The following TRIM33 variants were observed in gnomAD, a reference collection of about 807,000 sequenced individuals.
TRIM33 encodes E3 ubiquitin-protein ligase TRIM33.
In TRIM33, 20 loss-of-function variants were observed where a neutral mutation model predicts 125.4. The observed-to-expected ratio is 0.16, with a 90% CI of 0.11 to 0.23. The LOEUF is 0.23. TRIM33 is among the 10% of genes least tolerant of loss of function. The pLI is 1.00. For missense variants in TRIM33, 920 were observed against 1,411.4 expected (o/e 0.65, Z 5.58); for synonymous variants, 564 against 513.9 (o/e 1.10, Z -1.32).
intron 13 of TRIM33, 109 bp downstream of exon 13, chr1:114,408,568 A>G (rs1652391011): frequency 3.0e-6 from 2 of 676,366 alleles, no homozygotes. Context: ...GATCACTGTT[A>G]AAGCTGAGTG....
At chr1:114,500,021 GC>G (rs1652615513) in intron 1 of TRIM33, among the ~76,000 whole-genome samples, 2 of 152,086 alleles carry the variant, frequency 1.3e-5, no homozygotes, top group South Asian at 2.1e-4. Context: ...TCAAAAATGA[GC>G]CAGACATGGT....
At chr1:114,461,621 G>C (rs536156536) in intron 4 of TRIM33, among the ~76,000 whole-genome samples, 17 of 152,068 alleles carry the variant, frequency 1.1e-4, no homozygotes, top group Non-Finnish European at 2.4e-4. Context: ...AAGGAAAATG[G>C]TAAAAGAAAG....
Position 114,433,825 on chromosome 1 carries a change from C to G in TRIM33, c.924-92G>C, listed in dbSNP as rs1184375490. 6.5e-6 allele frequency: 5 copies of G among 773,136 alleles called. No individual in the cohort carries two copies. In the African/African-American group the frequency reaches 8.7e-5, roughly 13 times the overall value. 47.9% of individuals were successfully genotyped at this position (773,136 alleles called of 1,614,324 possible). A position where few individuals can be genotyped will look rare whatever the true frequency, so the allele number is the denominator to read the frequency against. The stretch of plus-strand genomic sequence containing the variant: ...CAGCTAAATGAGTCAATCTTGAAAC[C>G]TTAATTAAGTGATCAACTCTATGCT... On this transcript the variant is annotated intron_variant, in intron 4 of 19. Coordinates refer to ENST00000358465, the MANE Select transcript of TRIM33 (RefSeq NM_015906.4).
chr1:114,427,951 C>T (rs1252448298), intron 6 of TRIM33, 57 bp from the exon 7 acceptor site: 3 of 1,587,224 alleles, frequency 1.9e-6, no homozygotes, highest in Non-Finnish European at 2.6e-6. Context: ...ATCAACCCCA[C>T]ATTTCTAATG....
In TRIM33 at chr1:114,456,870, CAT is replaced by C. The variant is rs1649659850; in HGVS notation, c.923+6232_923+6233del. Among the ~76,000 whole-genome samples, 7 of 152,140 alleles carry C rather than the reference CAT, an allele frequency of 4.6e-5. No homozygotes were observed. The South Asian group carries it at 1.5e-3, about 32-fold the overall frequency. On this transcript the variant is annotated intron_variant, in intron 4 of 19. Transcript: ENST00000358465. ...AATTAGGGGAAAAAAGCAGTGATGA[CAT>C]GTGACCAACAGGAGCTGTATGATAA...
At chr1:114,451,292 T>C (rs1350914224) in intron 4 of TRIM33, among the ~76,000 whole-genome samples, 1 of 151,386 alleles carries the variant, frequency 6.6e-6, no homozygotes, top group Non-Finnish European at 1.5e-5. Flanking sequence ...TTCCTTCATA[T>C]CTCCTTTGCA....
chr1:114,448,102 T>C (rs969388244), intron 4 of TRIM33, among the ~76,000 whole-genome samples: 4 of 152,156 alleles, frequency 2.6e-5, no homozygotes, highest in African/African-American at 9.7e-5. Flanking sequence ...ATAGGAATAA[T>C]TGTTAGAGAC....
At chr1:114,504,711 A>G (rs1652897806) in intron 1 of TRIM33, among the ~76,000 whole-genome samples, 1 of 152,180 alleles carries the variant, frequency 6.6e-6, no homozygotes, top group Non-Finnish European at 1.5e-5. Flanking sequence ...GAGAAAAGTA[A>G]AAGTAATTAA....
intron 1 of TRIM33, among the ~76,000 whole-genome samples, chr1:114,489,993 G>A (rs1190655826): frequency 1.4e-5 from 2 of 146,110 alleles, no homozygotes; most frequent in Non-Finnish European, 3.0e-5. Context: ...GCTCACACCT[G>A]TAATCCCAGC....
intron 1 of TRIM33, among the ~76,000 whole-genome samples, chr1:114,470,799 T>C (rs1445707372): frequency 1.3e-5 from 2 of 151,994 alleles, no homozygotes; most frequent in Admixed American, 6.6e-5. Context: ...AAAGGAAAAG[T>C]TTTGTGTTTT....
chr1:114,415,781 T>A (rs1203274789), intron 11 of TRIM33, among the ~76,000 whole-genome samples: 2 of 151,678 alleles, frequency 1.3e-5, no homozygotes, highest in Non-Finnish European at 2.9e-5. Context: ...TGAAACCCTG[T>A]CTCTACTAAA....
At chr1:114,432,936 A>G (rs1401464330) in intron 5 of TRIM33, among the ~76,000 whole-genome samples, 20 of 152,242 alleles carry the variant, frequency 1.3e-4, no homozygotes, top group Non-Finnish European at 4.4e-5. Flanking sequence ...TTTTGAGTCT[A>G]TAAACACATA....
At chr1:114,411,432 T>C (rs188530331) in intron 11 of TRIM33, among the ~76,000 whole-genome samples, 42 of 152,314 alleles carry the variant, frequency 2.8e-4, no homozygotes, top group Admixed American at 2.0e-3. Flanking sequence ...CCTGTGGTCA[T>C]AGCTGTTGGC....
intron 1 of TRIM33, among the ~76,000 whole-genome samples, chr1:114,492,438 A>C (rs1476678529): frequency 6.6e-6 from 1 of 152,158 alleles, no homozygotes; most frequent in Non-Finnish European, 1.5e-5. Flanking sequence ...ATATGGCATT[A>C]ACTACATTCA....
chr1:114,504,787 T>C (rs919233134), intron 1 of TRIM33, among the ~76,000 whole-genome samples: 2 of 152,242 alleles, frequency 1.3e-5, no homozygotes, highest in African/African-American at 2.4e-5. Flanking sequence ...ATTTAGGACA[T>C]TAGTTTATAA....
rs1275607194 is a variant in TRIM33 at position 114,397,619 on chromosome 1, TTA to T, written c.*27_*28del. On this transcript the variant is annotated 3_prime_UTR_variant, in exon 20 of 20. Transcript: ENST00000358465. ...TTTTTTTTTTTTCGTTTTTTTTTTTTTAAACAATTGATTTAAATCCATGTCAT... is the reference window on the plus strand; with the variant it reads ...TTTTTTTTTTTTCGTTTTTTTTTTTTAACAATTGATTTAAATCCATGTCAT... The T allele has an allele frequency of 2.4e-6, 3 of 1,252,930 alleles. No homozygotes were observed. The highest frequency in any genetic ancestry group is 3.4e-6 in the Non-Finnish European group (3 of 891,368). The allele number at this position is 1,252,930 out of a possible 1,614,324, so 77.6% of individuals were successfully genotyped here.
chr1:114,419,001 A>G (rs1464645963), intron 11 of TRIM33, among the ~76,000 whole-genome samples: 2 of 152,054 alleles, frequency 1.3e-5, no homozygotes, highest in Non-Finnish European at 2.9e-5. Flanking sequence ...AGAGGTCAGG[A>G]GTTCAAGACC....
intron 4 of TRIM33, among the ~76,000 whole-genome samples, chr1:114,448,589 T>G (rs1402459943): frequency 6.6e-6 from 1 of 152,202 alleles, no homozygotes. Flanking sequence ...ACTGTAGTTA[T>G]GCCAAGTGAA....
rs1557857869 is a variant in TRIM33, at chr1:114,425,671, TACA to T, written c.1470_1472del (p.Val492del). 3.7e-6 allele frequency: 6 copies of T among 1,614,060 alleles called. No individual in the cohort carries two copies. In the Admixed American group the frequency reaches 5.0e-5, roughly 13 times the overall value. Reference sequence around the variant, plus strand: ...TTGTCCCTGGAGGAACTTGCCCAACTACAACATTAGGAGTATAACCAGGAGCTG... The same window carrying T: ...TTGTCCCTGGAGGAACTTGCCCAACTACATTAGGAGTATAACCAGGAGCTG... On this transcript the variant is annotated inframe_deletion, in exon 9 of 20. Coordinates refer to ENST00000358465, the MANE Select transcript of TRIM33 (RefSeq NM_015906.4).
Sources: allele counts gnomAD v4.1 joint callset (sites outside exome capture counted in the v4.1 genomes callset), GRCh38; gene constraint gnomAD v4.1.1; transcripts MANE v1.5; gene names NCBI Gene and HGNC (gene_info 2026-07-23, HGNC 2026-07-21).